Variants in LZTFL1 observed in about 807,000 individuals in gnomAD.
LZTFL1 encodes the protein leucine zipper transcription factor-like protein 1.
Under a neutral mutation model 45.9 loss-of-function variants are expected in LZTFL1, and 25 were observed. That is an observed-to-expected ratio of 0.54 (90% confidence interval 0.40 to 0.76). The LOEUF is 0.76. Ranked by LOEUF, LZTFL1 falls within the 30% of genes least tolerant of loss-of-function variation. The pLI, the probability that LZTFL1 is intolerant of heterozygous loss-of-function variation, is 0.00. For synonymous variants in LZTFL1, 93 were observed against 117.4 expected, an observed-to-expected ratio of 0.79 and a Z score of 1.35; for missense variants, 277 against 331.1, an observed-to-expected ratio of 0.84 and a Z score of 1.27.
chr3:45,823,865 C>G lies in LZTFL1; in HGVS notation c.*2449G>C, dbSNP rs1293729807. 2 of 152,122 alleles carry G rather than the reference C, an allele frequency of 1.3e-5. No individual in the cohort carries two copies. The highest frequency in any genetic ancestry group is 3.9e-4 in the East Asian group (2 of 5,194). 9.4% of individuals were successfully genotyped at this position (152,122 alleles called of 1,614,324 possible). On this transcript the variant is annotated 3_prime_UTR_variant, in exon 10 of 10. Coordinates refer to ENST00000296135, the MANE Select transcript of LZTFL1 (RefSeq NM_020347.4). Reference sequence around the variant, plus strand: ...CACCAAGGGCTTAAAATTTGAGCATCTCTATAAATCTCTTTCAGTTAATCA... The same window carrying G: ...CACCAAGGGCTTAAAATTTGAGCATGTCTATAAATCTCTTTCAGTTAATCA...
chr3:45,895,135 T>C, intron 2 of LZTFL1: 4 of 653,444 alleles, frequency 6.1e-6, no homozygotes, highest in Non-Finnish European at 1.1e-5. Flanking sequence ...GTTTTGCAAA[T>C]GCAAAGAGGC....
At chr3:45,863,938 G>T (rs1261913538) in intron 2 of LZTFL1, among the ~76,000 whole-genome samples, 2 of 152,352 alleles carry the variant, frequency 1.3e-5, no homozygotes, top group African/African-American at 2.4e-5. Flanking sequence ...TGATATTAAA[G>T]AATGATTATT....
Position 45,877,960 on chromosome 3 carries a change from G to T in LZTFL1, c.-214-18944C>A, listed in dbSNP as rs146972980. On this transcript the variant is annotated intron_variant, in intron 2 of 4. Transcript: ENST00000472635. ...AGTGTTTCACCATGTTGACCAGGCT[G>T]GTCTCAAACTCTTGGCCTCAAATGA... 4.5e-3 allele frequency among the ~76,000 whole-genome samples: 678 copies of T among 152,062 alleles called. 8 individuals are homozygous for T. The highest frequency in any genetic ancestry group is 0.015 in the African/African-American group (643 of 41,500).
At chr3:45,855,570 A>G (rs1450872249) in intron 3 of LZTFL1, among the ~76,000 whole-genome samples, 1 of 152,224 alleles carries the variant, frequency 6.6e-6, no homozygotes. Flanking sequence ...CAGGACAATC[A>G]GGCAAGAGAA....
chr3:45,835,905 C>T (rs968571167), intron 2 of LZTFL1, 121 bp from the exon 3 acceptor site: 2 of 619,186 alleles, frequency 3.2e-6, no homozygotes, highest in South Asian at 2.6e-5. Flanking sequence ...CAGTGAAAAT[C>T]TCTCTGGGAA....
At chr3:45,851,107 T>C (rs2125701805) in intron 4 of LZTFL1, among the ~76,000 whole-genome samples, 1 of 152,296 alleles carries the variant, frequency 6.6e-6, no homozygotes, top group African/African-American at 2.4e-5. Context: ...TTCCACGCCT[T>C]GTTGAAATTT....
intron 2 of LZTFL1, among the ~76,000 whole-genome samples, chr3:45,907,122 C>T (rs978786882): frequency 8.5e-5 from 13 of 152,078 alleles, no homozygotes; most frequent in Non-Finnish European, 1.9e-4. Context: ...GGCTGGCTTC[C>T]GCCCTGGCTC....
chr3:45,886,340 G>A (rs1026737710), intron 2 of LZTFL1, among the ~76,000 whole-genome samples: 2 of 152,176 alleles, frequency 1.3e-5, no homozygotes, highest in Non-Finnish European at 2.9e-5. Flanking sequence ...TCATCAGTCT[G>A]TATGTGCGTC....
chr3:45,870,400 T>G (rs1357059361), intron 2 of LZTFL1, among the ~76,000 whole-genome samples: 1 of 152,174 alleles, frequency 6.6e-6, no homozygotes, highest in Non-Finnish European at 1.5e-5. Flanking sequence ...CATCCTGAGG[T>G]GGTAGCACAG....
In LZTFL1 at chr3:45,888,271, C is replaced by T. The variant is rs1251414308; in HGVS notation, c.-215+24849G>A. Reference sequence around the variant, plus strand: ...ACCCTGGAGCAATGTTCCCTCCCCTCGTTGCATGTCTCCATGCTCTTCGGC... The same window carrying T: ...ACCCTGGAGCAATGTTCCCTCCCCTTGTTGCATGTCTCCATGCTCTTCGGC... On this transcript the variant is annotated intron_variant, in intron 2 of 4. Transcript: ENST00000472635. Among the ~76,000 whole-genome samples, 5 of 152,200 alleles carry T rather than the reference C, an allele frequency of 3.3e-5. 1 individual carries two copies. The highest frequency in any genetic ancestry group is 4.1e-4 in the South Asian group (2 of 4,836).
chr3:45,908,402 G>C (rs1702722547), intron 2 of LZTFL1, among the ~76,000 whole-genome samples: 2 of 152,224 alleles, frequency 1.3e-5, no homozygotes, highest in African/African-American at 4.8e-5. Context: ...TAAGCACTGG[G>C]CAAGGTGGTG....
intron 2 of LZTFL1, among the ~76,000 whole-genome samples, chr3:45,893,850 G>A (rs559955036): frequency 6.6e-6 from 1 of 152,164 alleles, no homozygotes; most frequent in African/African-American, 2.4e-5. Flanking sequence ...CATGTATAAC[G>A]TCTTAAGAAA....
At position 45,901,469 on chromosome 3, in the gene LZTFL1, C is replaced by T. The variant is rs145949330; in HGVS notation, c.-215+11651G>A. On this transcript the variant is annotated intron_variant, in intron 2 of 4. Transcript: ENST00000472635. The surrounding 1 kb of genome is among the most constrained non-coding windows in gnomAD (Gnocchi z 4.3). ...TCATTCTGGGGTTCTTCCTTCCCTT[C>T]GTGGTCATGGCTTGCTGCTATACCA... 90 of 1,614,048 alleles carry T rather than the reference C, an allele frequency of 5.6e-5. No homozygotes were observed. The highest frequency in any genetic ancestry group is 9.3e-5 in the African/African-American group (7 of 74,932).
intron 3 of LZTFL1, 35 bp downstream of exon 3, chr3:45,835,555 A>C: frequency 6.3e-7 from 1 of 1,581,024 alleles, no homozygotes; most frequent in Non-Finnish European, 8.7e-7. Context: ...TGCTTGGGCC[A>C]TTATTGTCAC....
At chr3:45,910,010 G>T (rs1266170563) in intron 2 of LZTFL1, among the ~76,000 whole-genome samples, 1 of 152,232 alleles carries the variant, frequency 6.6e-6, no homozygotes, top group East Asian at 1.9e-4. Flanking sequence ...AGGGTTATGA[G>T]TGAGAGGGAA....
intron 4 of LZTFL1, among the ~76,000 whole-genome samples, chr3:45,833,586 ATATAG>A (rs1245218031): frequency 2.0e-5 from 3 of 152,212 alleles, no homozygotes; most frequent in African/African-American, 7.2e-5. Context: ...GGCACAAATA[ATATAG>A]TAGTTTAGTA....
chr3:45,853,154 G>A (rs1477133267), intron 4 of LZTFL1, among the ~76,000 whole-genome samples: 1 of 152,156 alleles, frequency 6.6e-6, no homozygotes, highest in Non-Finnish European at 1.5e-5. Context: ...CTTTTCATGA[G>A]CTTTCTTTGA....
At chr3:45,831,643 A>G (rs1700821658) in intron 5 of LZTFL1, among the ~76,000 whole-genome samples, 1 of 152,208 alleles carries the variant, frequency 6.6e-6, no homozygotes, top group South Asian at 2.1e-4. Flanking sequence ...ACTCAAATAA[A>G]CACATCAGCC....
intron 2 of LZTFL1, among the ~76,000 whole-genome samples, chr3:45,892,786 A>C (rs1055775187): frequency 3.3e-5 from 5 of 152,146 alleles, no homozygotes; most frequent in African/African-American, 1.2e-4. Context: ...TGATCTCTCA[A>C]GTTGGCTACA....
Sources: allele counts gnomAD v4.1 joint callset (sites outside exome capture counted in the v4.1 genomes callset), GRCh38; gene constraint gnomAD v4.1.1; non-coding constraint Gnocchi (gnomAD v3.1); transcripts MANE v1.5; gene names NCBI Gene and HGNC (gene_info 2026-07-23, HGNC 2026-07-21).